GREB1L: variants seen among roughly 807,000 people sequenced by gnomAD.
GREB1L encodes the protein GREB1-like protein.
In GREB1L, 17 loss-of-function variants were observed where a neutral mutation model predicts 200.8. That is an observed-to-expected ratio of 0.08 (90% CI 0.06 to 0.13). The LOEUF (loss-of-function observed/expected upper bound fraction) is 0.13, where lower values mean the gene tolerates loss of function less well. Ranked by LOEUF, GREB1L falls within the 10% of genes least tolerant of loss-of-function variation. GREB1L has a pLI of 1.00. For missense variants in GREB1L, 1,657 were observed against 2,367.7 expected (o/e 0.70, Z 6.23); for synonymous variants, 789 against 893.0 (o/e 0.88, Z 2.08).
At chr18:21,379,557 G>A (rs1406815485) in intron 2 of GREB1L, among the ~76,000 whole-genome samples, 1 of 152,206 alleles carries the variant, frequency 6.6e-6, no homozygotes, top group Non-Finnish European at 1.5e-5. Flanking sequence ...AGTGGTAATA[G>A]ATTAAGAGGC....
At chr18:21,380,035 C>A (rs1199508350) in intron 2 of GREB1L, among the ~76,000 whole-genome samples, 4 of 152,132 alleles carry the variant, frequency 2.6e-5, no homozygotes, top group Non-Finnish European at 5.9e-5. Context: ...AGAAACCTAA[C>A]AATTTAAATT....
intron 7 of GREB1L, among the ~76,000 whole-genome samples, chr18:21,414,653 A>G (rs956771884): frequency 2.6e-5 from 4 of 152,154 alleles, no homozygotes. Context: ...GGGTACAAAG[A>G]TGGTATTGAG....
intron 23 of GREB1L, among the ~76,000 whole-genome samples, chr18:21,503,196 T>C (rs2036868638): frequency 1.3e-5 from 2 of 151,680 alleles, no homozygotes; most frequent in African/African-American, 4.8e-5. Flanking sequence ...TTATACATTT[T>C]ATTATTATTA....
intron 17 of GREB1L, among the ~76,000 whole-genome samples, chr18:21,484,842 C>T (rs1010949554): frequency 1.8e-4 from 27 of 151,976 alleles, no homozygotes; most frequent in African/African-American, 5.6e-4. Context: ...AATAAAATAA[C>T]AAAAGTGAGA....
intron 17 of GREB1L, among the ~76,000 whole-genome samples, chr18:21,481,329 G>A (rs987563583): frequency 2.6e-5 from 4 of 151,962 alleles, no homozygotes; most frequent in Non-Finnish European, 4.4e-5. Flanking sequence ...ATGCTGGATA[G>A]GATGCAAAAG....
intron 4 of GREB1L, among the ~76,000 whole-genome samples, chr18:21,386,196 T>C (rs1049821806): frequency 6.6e-6 from 1 of 152,234 alleles, no homozygotes; most frequent in Non-Finnish European, 1.5e-5. Context: ...TTGGTTCTTA[T>C]AATTAATGTC....
chr18:21,316,890 TA>T (rs1283802194), intron 1 of GREB1L: 1 of 149,904 alleles, frequency 6.7e-6, no homozygotes, highest in Non-Finnish European at 1.5e-5. Flanking sequence ...GCCTCCGGAG[TA>T]GCTGGGATTA....
chr18:21,451,288 T>C (rs1356397272), intron 13 of GREB1L, 137 bp downstream of exon 13: 3 of 966,248 alleles, frequency 3.1e-6, no homozygotes, highest in Non-Finnish European at 4.5e-6. Flanking sequence ...TTATCCTAAG[T>C]ATTTTGTCAC....
chr18:21,243,970 T>C (rs903746712), intron 1 of GREB1L, among the ~76,000 whole-genome samples: 3 of 152,180 alleles, frequency 2.0e-5, no homozygotes, highest in South Asian at 4.1e-4. Flanking sequence ...TATCTTTCCG[T>C]AAGTCTATTA....
rs147179000 is a variant in GREB1L at position 21,446,026 on chromosome 18, ATTTG to A, written c.1393+1629_1393+1632del. Among the ~76,000 whole-genome samples, 1,506 of 151,968 alleles carry A rather than the reference ATTTG, an allele frequency of 9.9e-3. 14 individuals are homozygous for A. Among genetic ancestry groups the A allele is most frequent in the Middle Eastern group, 0.051 (15 of 294 alleles). On this transcript the variant is annotated intron_variant, in intron 11 of 32. Coordinates refer to ENST00000424526, the MANE Select transcript of GREB1L (RefSeq NM_001142966.3). The stretch of plus-strand genomic sequence containing the variant: ...TTTCAGTTTGTTTGTTTGTTTGATT[ATTTG>A]TTTGTTTGTTTTGAGACCGAGTCTC...
intron 17 of GREB1L, among the ~76,000 whole-genome samples, chr18:21,481,454 T>C (rs2035913370): frequency 7.2e-6 from 1 of 139,680 alleles, no homozygotes; most frequent in Non-Finnish European, 1.6e-5. Flanking sequence ...TGTGTGTGTG[T>C]GTGTGTGTGT....
chr18:21,459,986 C>T (rs991837122), intron 15 of GREB1L, among the ~76,000 whole-genome samples: 6 of 152,154 alleles, frequency 3.9e-5, no homozygotes, highest in Admixed American at 2.6e-4. Flanking sequence ...CAATGACTGC[C>T]CGCCTCGTCA....
chr18:21,508,140 C>A lies in GREB1L; in HGVS notation c.4391C>A (p.Ala1464Asp), dbSNP rs769592054. 4.6e-5 allele frequency: 72 copies of A among 1,551,488 alleles called. No homozygotes were observed. Among genetic ancestry groups the A allele is most frequent in the Non-Finnish European group, 1.8e-5 (21 of 1,146,968 alleles). The change falls in exon 26 of 33, where the codon GCC (alanine) becomes GAC (aspartate). Residue 1464 changes from alanine (A) to aspartate (D), a missense_variant. Physicochemically the swap from Ala to Asp is moderately radical, Grantham distance 126 (BLOSUM62 -2). Transcript: ENST00000424526. ...TAGATGTCTGACTCCACCCTTCATG[C>A]CTTCACATTCTCTTCTTCTATGCTG... The part of the protein sequence containing the change: ...ASQMSDSTLH[A>D]FTFSSSMLGE...
rs947994770 is a variant in GREB1L, at chr18:21,444,206, C to T, written c.1208-18C>T. Reference sequence around the variant, plus strand: ...AAAAGAAATGTTGAACTGTACTGACCTGCTTCTATTGGGACAGGCTATGGC... The same window carrying T: ...AAAAGAAATGTTGAACTGTACTGACTTGCTTCTATTGGGACAGGCTATGGC... On this transcript the variant is annotated intron_variant, in intron 10 of 32. Coordinates refer to ENST00000424526, the MANE Select transcript of GREB1L (RefSeq NM_001142966.3). 6.5e-7 allele frequency: 1 copy of T among 1,539,160 alleles called. No homozygotes were observed. The highest frequency in any genetic ancestry group is 1.4e-5 in the African/African-American group (1 of 72,822).
intron 15 of GREB1L, among the ~76,000 whole-genome samples, chr18:21,461,840 T>C (rs1228750871): frequency 6.6e-6 from 1 of 152,248 alleles, no homozygotes; most frequent in Non-Finnish European, 1.5e-5. Context: ...AAATCTATTT[T>C]GAAAGGCAAA....
Position 21,495,674 on chromosome 18 carries a change from G to A in GREB1L, c.3035G>A (p.Trp1012Ter). 6.8e-7 allele frequency: 1 copy of A among 1,478,884 alleles called. No homozygotes were observed. The highest frequency in any genetic ancestry group is 1.4e-5 in the African/African-American group (1 of 71,610). 91.6% of individuals were successfully genotyped at this position (1,478,884 alleles called of 1,614,324 possible). Residue 1012 changes from tryptophan to a stop codon, truncating the protein, a stop_gained, in exon 20 of 33, where the codon TGG (tryptophan) becomes TAG (stop). Transcript: ENST00000424526. LOFTEE classifies it high-confidence loss of function. The stretch of plus-strand genomic sequence containing the variant: ...CATACGGGTCTCTTTCTGTAGAGTT[G>A]GAGAGGAAATGAACCAGAAGAGTGG... The part of the protein sequence containing the change: ...ATHFVARLKS[W>*]RGNEPEEWIP...
chr18:21,457,969 T>A (rs1397769693), intron 15 of GREB1L, among the ~76,000 whole-genome samples: 1 of 150,244 alleles, frequency 6.7e-6, no homozygotes, highest in East Asian at 1.9e-4. Flanking sequence ...GGACAGTTTT[T>A]TTTTTTTTTT....
At chr18:21,387,319 T>G (rs1392287050) in intron 4 of GREB1L, among the ~76,000 whole-genome samples, 2 of 152,222 alleles carry the variant, frequency 1.3e-5, no homozygotes, top group South Asian at 2.1e-4. Flanking sequence ...AAGTGAAATC[T>G]TTGGCTGTTT....
intron 11 of GREB1L, among the ~76,000 whole-genome samples, chr18:21,444,655 C>T (rs1483205274): frequency 6.6e-6 from 1 of 152,060 alleles, no homozygotes; most frequent in East Asian, 1.9e-4. Flanking sequence ...AGTGTCCAGT[C>T]TCATGATGCT....
Sources: gnomAD v4.1 joint callset for allele counts (sites outside exome capture counted in the v4.1 genomes callset) on GRCh38, gnomAD v4.1.1 for gene constraint, MANE v1.5 for transcripts, NCBI Gene and HGNC (gene_info 2026-07-23, HGNC 2026-07-21) for gene names.